GRK5: variants seen among roughly 807,000 people sequenced by gnomAD.
GRK5 encodes the protein g protein-coupled receptor kinase GRK5.
A neutral mutation model predicts 78.4 loss-of-function variants in GRK5; 40 were observed. The ratio of observed to expected loss-of-function variants is 0.51; its 90% CI spans 0.40 to 0.66. GRK5 has a LOEUF of 0.66. Among genes scored for constraint, GRK5 ranks in the 30% least tolerant of loss-of-function variants. The probability of loss-of-function intolerance (pLI) is 0.00; values close to 1 mark genes in which losing one functional copy is unlikely to be tolerated. For synonymous variants in GRK5, 289 were observed against 296.8 expected, an observed-to-expected ratio of 0.97 and a Z score of 0.27; for missense variants, 598 against 759.9, an observed-to-expected ratio of 0.79 and a Z score of 2.50.
intron 1 of GRK5, among the ~76,000 whole-genome samples, chr10:119,239,190 T>C (rs937674026): frequency 5.3e-5 from 8 of 151,588 alleles, no homozygotes; most frequent in African/African-American, 1.9e-4. Flanking sequence ...TAACAAGAGC[T>C]TGAACTGCCT....
At chr10:119,237,184 A>C (rs758151901) in intron 1 of GRK5, among the ~76,000 whole-genome samples, 1 of 149,498 alleles carries the variant, frequency 6.7e-6, no homozygotes. Flanking sequence ...TGTCTCAGCC[A>C]CTTGAGTAGC....
rs1195537574 is a variant in GRK5, at chr10:119,275,613, G to GCGCACACACACACA, written c.53-50902_53-50901insGCACACACACACAC. On this transcript the variant is annotated intron_variant, in intron 1 of 15. Transcript: ENST00000392870. ...CTCTCTCTCTCTCTCTCTCTCTCTCGCACACACACACACACACACACACAC... is the reference window on the plus strand; with the variant it reads ...CTCTCTCTCTCTCTCTCTCTCTCTCGCGCACACACACACACACACACACACACACACACACACAC... 8.3e-3 allele frequency among the ~76,000 whole-genome samples: 1,003 copies of GCGCACACACACACA among 120,734 alleles called. 4 individuals carry two copies. The highest frequency in any genetic ancestry group is 0.013 in the Non-Finnish European group (725 of 54,614). 79.2% of individuals were successfully genotyped at this position (120,734 alleles called of 152,430 possible). A position where few individuals can be genotyped will look rare whatever the true frequency, so the allele number is the denominator to read the frequency against.
chr10:119,297,660 T>A (rs1850106013), intron 1 of GRK5, among the ~76,000 whole-genome samples: 1 of 152,242 alleles, frequency 6.6e-6, no homozygotes, highest in Non-Finnish European at 1.5e-5. Context: ...AACCTACTCC[T>A]GTTTGGCCCC....
intron 1 of GRK5, among the ~76,000 whole-genome samples, chr10:119,243,572 T>C (rs952647193): frequency 6.6e-6 from 1 of 151,118 alleles, no homozygotes; most frequent in African/African-American, 2.4e-5. Flanking sequence ...TTTTCTTTTT[T>C]TTTTTTTTTT....
intron 2 of GRK5, among the ~76,000 whole-genome samples, chr10:119,345,135 C>A (rs1306741614): frequency 1.3e-5 from 2 of 151,864 alleles, no homozygotes; most frequent in Non-Finnish European, 2.9e-5. Context: ...CGCCTGGCTA[C>A]TTTTTTGTAT....
intron 1 of GRK5, among the ~76,000 whole-genome samples, chr10:119,216,881 G>T (rs1848584011): frequency 6.6e-6 from 1 of 151,950 alleles, no homozygotes; most frequent in Non-Finnish European, 1.5e-5. Flanking sequence ...TTTGAACCTG[G>T]GAGTGCCACT....
In GRK5 at chr10:119,396,798, C is replaced by A. The variant is rs1372099961; in HGVS notation, c.339+26C>A. 3 of 1,561,966 alleles carry A rather than the reference C, an allele frequency of 1.9e-6. No individual in the cohort carries two copies. In the South Asian group the frequency reaches 3.3e-5, roughly 17 times the overall value. On this transcript the variant is annotated intron_variant, in intron 4 of 15. Transcript: ENST00000392870. ...GTAAGGAGTCTTCCAAACCCCACAGCAGGTGGCACAGGAGGCCTTATGCAA... is the reference window on the plus strand; with the variant it reads ...GTAAGGAGTCTTCCAAACCCCACAGAAGGTGGCACAGGAGGCCTTATGCAA...
Position 119,455,054 on chromosome 10 carries a change from C to T in GRK5, c.1760C>T (p.Thr587Ile). ...TCAAACCATGTCAGCTCGAACTCCA[C>T]CGGAAGCAGCTAGTTTCGGCTCTGG... ...INSNHVSSNS[T>I]GSS The change falls in exon 16 of 16, where the codon ACC becomes ATC. Residue 587 changes from threonine to isoleucine, a missense_variant. By Grantham distance (89) the Thr-to-Ile change is moderately conservative (BLOSUM62 -1). Transcript: ENST00000392870. 6.2e-7 allele frequency: 1 copy of T among 1,613,580 alleles called. No homozygotes were observed. Among genetic ancestry groups the T allele is most frequent in the Non-Finnish European group, 8.5e-7 (1 of 1,179,498 alleles).
chr10:119,431,322 C>A lies in GRK5; in HGVS notation c.598-65C>A, dbSNP rs927970335. On this transcript the variant is annotated intron_variant, in intron 7 of 15. Coordinates refer to ENST00000392870, the MANE Select transcript of GRK5 (RefSeq NM_005308.3). The surrounding 1 kb of genome is among the most constrained non-coding windows in gnomAD (Gnocchi z 4.8). ...ACCTGGGAGGCCTGTGGTCCCCGCC[C>A]TGGAGGAGCTCGGGGCAGGCCTCCA... 3.9e-6 allele frequency: 6 copies of A among 1,553,778 alleles called. No individual in the cohort carries two copies. The highest frequency in any genetic ancestry group is 5.2e-6 in the Non-Finnish European group (6 of 1,150,176).
chr10:119,273,498 G>C (rs1006060668), intron 1 of GRK5, among the ~76,000 whole-genome samples: 3 of 152,150 alleles, frequency 2.0e-5, no homozygotes, highest in African/African-American at 7.2e-5. Flanking sequence ...TCTGGGGCAG[G>C]GTGCTAGCTT....
chr10:119,366,970 A>G (rs1031589123), intron 2 of GRK5, among the ~76,000 whole-genome samples: 2 of 152,184 alleles, frequency 1.3e-5, no homozygotes, highest in African/African-American at 4.8e-5. Flanking sequence ...GGCATCTAAA[A>G]TGTGGGCTGA....
chr10:119,346,625 G>T (rs1851099701), intron 2 of GRK5, among the ~76,000 whole-genome samples: 1 of 152,180 alleles, frequency 6.6e-6, no homozygotes, highest in Non-Finnish European at 1.5e-5. Flanking sequence ...GGAGCTGCAA[G>T]CTGGGTGCCT....
At chr10:119,210,357 A>C (rs1177345045) in intron 1 of GRK5, among the ~76,000 whole-genome samples, 3 of 152,230 alleles carry the variant, frequency 2.0e-5, no homozygotes, top group Non-Finnish European at 4.4e-5. Context: ...TGCCTAGAGG[A>C]AAGCCATGAT....
intron 1 of GRK5, among the ~76,000 whole-genome samples, chr10:119,283,496 G>A (rs1050467018): frequency 7.2e-5 from 11 of 152,312 alleles, no homozygotes; most frequent in African/African-American, 2.6e-4. Context: ...AGACATACAC[G>A]TTCCTGAGGC....
At chr10:119,441,460 T>C (rs1409026015) in intron 10 of GRK5, among the ~76,000 whole-genome samples, 4 of 152,238 alleles carry the variant, frequency 2.6e-5, no homozygotes, top group Non-Finnish European at 5.9e-5. Context: ...GGCTCAGTCC[T>C]GGGCTGTGAG....
At chr10:119,410,026 T>G (rs1055617505) in intron 4 of GRK5, among the ~76,000 whole-genome samples, 1 of 152,260 alleles carries the variant, frequency 6.6e-6, no homozygotes, top group African/African-American at 2.4e-5. Context: ...CTCCTGCAGC[T>G]GCGCCGGGTC....
intron 11 of GRK5, 152 bp downstream of exon 11, chr10:119,442,240 G>A: frequency 4.2e-6 from 3 of 708,446 alleles, no homozygotes; most frequent in Non-Finnish European, 4.9e-6. Context: ...CTGCTGGGGG[G>A]CGGCCTTAGC....
intron 11 of GRK5, 31 bp from the exon 12 acceptor site, chr10:119,443,513 C>T (rs2133909264): frequency 6.3e-7 from 1 of 1,575,560 alleles, no homozygotes; most frequent in Non-Finnish European, 8.7e-7. Context: ...CTCCCTCCTC[C>T]TCACTCCTCT....
At chr10:119,244,695 C>T (rs1251397406) in intron 1 of GRK5, among the ~76,000 whole-genome samples, 1 of 152,180 alleles carries the variant, frequency 6.6e-6, no homozygotes, top group African/African-American at 2.4e-5. Context: ...GATTGCAATA[C>T]TGCACTCCAG....
Sources: gnomAD v4.1 joint callset for allele counts (sites outside exome capture counted in the v4.1 genomes callset) on GRCh38, gnomAD v4.1.1 for gene constraint, Gnocchi (gnomAD v3.1) non-coding constraint, MANE v1.5 for transcripts, NCBI Gene and HGNC (gene_info 2026-07-23, HGNC 2026-07-21) for gene names.